LTN1: variants seen among roughly 807,000 people sequenced by gnomAD.
LTN1 encodes the protein listerin E3 ubiquitin protein ligase 1.
In LTN1, 88 loss-of-function variants were observed where a neutral mutation model predicts 201.2. The observed-to-expected ratio is 0.44, with a 90% CI of 0.37 to 0.52. The LOEUF (loss-of-function observed/expected upper bound fraction) is 0.52. LTN1 is among the 20% of genes least tolerant of loss of function. LTN1 has a pLI of 0.00. For missense variants in LTN1, 1,752 were observed against 2,038.7 expected, an observed-to-expected ratio of 0.86 and a Z score of 2.71; for synonymous variants, 645 against 713.5, an observed-to-expected ratio of 0.90 and a Z score of 1.53.
In LTN1 at chr21:28,941,290, A is replaced by G. The variant is rs2084295446; in HGVS notation, c.4412T>C (p.Phe1471Ser). 1.2e-6 allele frequency: 2 copies of G among 1,613,466 alleles called. No homozygotes were observed. The highest frequency in any genetic ancestry group is 8.5e-7 in the Non-Finnish European group (1 of 1,179,612). Residue 1471 changes from phenylalanine (F) to serine (S), a missense_variant, in exon 25 of 30, where the codon TTC becomes TCC. Transcript: ENST00000361371. ...GAGAAGGTATCCCAGAACATAACAG[A>G]AGTCTTCACTCAGTGGTTTAATAGT... is the stretch of plus-strand genomic sequence containing the variant. ...IVTIKPLSED[F>S]CYVLGYLLTW...
At chr21:28,987,972 T>C (rs979274307) in intron 1 of LTN1, among the ~76,000 whole-genome samples, 1 of 151,788 alleles carries the variant, frequency 6.6e-6, no homozygotes, top group Admixed American at 6.6e-5. Flanking sequence ...TGAAACCCCA[T>C]CTCTACCAAA....
In LTN1 at chr21:28,929,210, T is replaced by C. The variant is rs1165384297; in HGVS notation, c.*1238A>G. ...AGTAGATGGAAAGCAGTAATTTTATTTATCATGAATTGCTTTTTGCCAATT... is the reference window on the plus strand; with the variant it reads ...AGTAGATGGAAAGCAGTAATTTTATCTATCATGAATTGCTTTTTGCCAATT... On this transcript the variant is annotated 3_prime_UTR_variant, in exon 30 of 30. Transcript: ENST00000361371. 6.6e-6 allele frequency: 1 copy of C among 152,588 alleles called. No homozygotes were observed. The highest frequency in any genetic ancestry group is 1.5e-5 in the Non-Finnish European group (1 of 67,998). The allele number at this position is 152,588 out of a possible 1,614,324, so 9.5% of individuals were successfully genotyped here.
At chr21:28,978,565 A>G (rs946219546) in intron 6 of LTN1, among the ~76,000 whole-genome samples, 1 of 152,226 alleles carries the variant, frequency 6.6e-6, no homozygotes, top group East Asian at 1.9e-4. Context: ...AATTCAAAAT[A>G]TAAGAATATC....
rs370726406 is a variant in LTN1 at position 28,951,824 on chromosome 21, G to C, written c.3344+336C>G. On this transcript the variant is annotated intron_variant, in intron 18 of 29. Coordinates refer to ENST00000361371, the MANE Select transcript of LTN1 (RefSeq NM_015565.3). ...CCATCCCTACAAAATTAAAAAATTA[G>C]CCAGGTGTGGTAGTGCACACCTGTG... Among the ~76,000 whole-genome samples, 8 of 152,018 alleles carry C rather than the reference G, an allele frequency of 5.3e-5. No homozygotes were observed. In the South Asian group the frequency reaches 1.7e-3, roughly 32 times the overall value.
chr21:28,928,207 T>C lies in LTN1; in HGVS notation c.*2241A>G, dbSNP rs138905227. The C allele has an allele frequency of 1.3e-5, 2 of 152,688 alleles. No individual in the cohort carries two copies. Among genetic ancestry groups the C allele is most frequent in the Non-Finnish European group, 2.9e-5 (2 of 68,002 alleles). The allele number at this position is 152,688 out of a possible 1,614,324, so 9.5% of individuals were successfully genotyped here. Reference sequence around the variant, plus strand: ...CAGAAGCAAATATGGCAAAATAGTATGTGAAGGGTACAAGGGCATTTATAT... The same window carrying C: ...CAGAAGCAAATATGGCAAAATAGTACGTGAAGGGTACAAGGGCATTTATAT... On this transcript the variant is annotated 3_prime_UTR_variant, in exon 30 of 30. Coordinates refer to ENST00000361371, the MANE Select transcript of LTN1 (RefSeq NM_015565.3).
chr21:28,954,855 C>T (rs772998336), intron 16 of LTN1, among the ~76,000 whole-genome samples: 1 of 152,090 alleles, frequency 6.6e-6, no homozygotes, highest in Non-Finnish European at 1.5e-5. Flanking sequence ...CATCAAGGAA[C>T]GCTATAGGAC....
chr21:28,951,778 C>T (rs2084384408), intron 18 of LTN1, among the ~76,000 whole-genome samples: 1 of 152,110 alleles, frequency 6.6e-6, no homozygotes, highest in East Asian at 1.9e-4. Context: ...TCAAGACCAG[C>T]CTGGGCAACC....
chr21:28,939,290 C>T (rs2084279556), intron 25 of LTN1, among the ~76,000 whole-genome samples: 4 of 151,988 alleles, frequency 2.6e-5, no homozygotes, highest in Admixed American at 2.6e-4. Context: ...GGGTGGGGGT[C>T]ATGGGAGGGA....
intron 11 of LTN1, chr21:28,964,579 T>C (rs775847599): frequency 1.3e-6 from 2 of 1,522,836 alleles, no homozygotes; most frequent in South Asian, 1.2e-5. Flanking sequence ...GAACTTACGA[T>C]GTCTCTGAGA....
At chr21:28,941,820 T>A (rs569559509) in intron 24 of LTN1, among the ~76,000 whole-genome samples, 1 of 152,322 alleles carries the variant, frequency 6.6e-6, no homozygotes, top group East Asian at 1.9e-4. Context: ...TCTATTTTAT[T>A]GCATATTATC....
intron 1 of LTN1, among the ~76,000 whole-genome samples, chr21:28,988,692 C>T (rs1405012039): frequency 4.6e-5 from 7 of 151,472 alleles, no homozygotes; most frequent in Middle Eastern, 3.4e-3. Flanking sequence ...ATAGGTCAGG[C>T]GCGGTGGTTC....
chr21:28,936,815 C>G lies in LTN1; in HGVS notation c.4483-118G>C, dbSNP rs1259869868. ...CATAAACTAGCAGACATTCTATCCCCTCATTATTGTAACACATTTCTAATA... is the reference window on the plus strand; with the variant it reads ...CATAAACTAGCAGACATTCTATCCCGTCATTATTGTAACACATTTCTAATA... On this transcript the variant is annotated intron_variant, in intron 25 of 29. Coordinates refer to ENST00000361371, the MANE Select transcript of LTN1 (RefSeq NM_015565.3). 7.1e-6 allele frequency: 5 copies of G among 702,324 alleles called. No individual in the cohort carries two copies. In the East Asian group the frequency reaches 1.3e-4, roughly 18 times the overall value. 43.5% of individuals were successfully genotyped at this position (702,324 alleles called of 1,614,324 possible).
At chr21:28,965,978 G>T in intron 10 of LTN1, 72 bp from the exon 11 acceptor site, 2 of 930,308 alleles carry the variant, frequency 2.1e-6, no homozygotes, top group African/African-American at 1.7e-5. Context: ...TTTGTATGTT[G>T]CCCAGGCTAG....
Position 28,970,655 on chromosome 21 carries a change from C to T in LTN1, c.1072G>A (p.Val358Ile). The change falls in exon 8 of 30, where the codon GTC becomes ATC. Residue 358 changes from valine (V) to isoleucine (I), a missense_variant. This residue lies in a region of LTN1 where 1,211 missense variants were observed against 1,312.8 expected (regional missense o/e 0.92). Coordinates refer to ENST00000361371, the MANE Select transcript of LTN1 (RefSeq NM_015565.3). ...AATGGCAGAAGGTAAGGATATATGA[C>T]AGTAGCTAGACCCCGACCACCTTCA... ...IREGGRGLAT[V>I]IYPYLLPFIS... The T allele has an allele frequency of 6.2e-7, 1 of 1,613,866 alleles. No homozygotes were observed. The highest frequency in any genetic ancestry group is 8.5e-7 in the Non-Finnish European group (1 of 1,179,816).
chr21:28,934,529 C>A (rs1400579071), intron 27 of LTN1, among the ~76,000 whole-genome samples: 1 of 152,140 alleles, frequency 6.6e-6, no homozygotes, highest in Non-Finnish European at 1.5e-5. Context: ...CCTGCTCTGG[C>A]CATGTGAAGT....
intron 10 of LTN1, among the ~76,000 whole-genome samples, chr21:28,966,154 A>G (rs2084520636): frequency 6.6e-6 from 1 of 152,248 alleles, no homozygotes; most frequent in South Asian, 2.1e-4. Context: ...AAATGTATAG[A>G]TTAAAAGAAT....
rs180917149 is a variant in LTN1, at chr21:28,969,375, G to C, written c.1311+91C>G. 5.6e-6 allele frequency: 6 copies of C among 1,071,208 alleles called. No homozygotes were observed. The East Asian group carries it at 1.6e-4, about 28-fold the overall frequency. 66.4% of individuals were successfully genotyped at this position (1,071,208 alleles called of 1,614,324 possible). A position where few individuals can be genotyped will look rare whatever the true frequency, so the allele number is the denominator to read the frequency against. ...TAAAAATAAAATTTTTACAAGGAAGGCTTATTACTGTAAATGGCAACAAGA... is the reference window on the plus strand; with the variant it reads ...TAAAAATAAAATTTTTACAAGGAAGCCTTATTACTGTAAATGGCAACAAGA... On this transcript the variant is annotated intron_variant, in intron 9 of 29. Coordinates refer to ENST00000361371, the MANE Select transcript of LTN1 (RefSeq NM_015565.3).
Position 28,959,650 on chromosome 21 carries a change from G to T in LTN1, c.2401C>A (p.His801Asn). 2 of 1,613,416 alleles carry T rather than the reference G, an allele frequency of 1.2e-6. No individual in the cohort carries two copies. The highest frequency in any genetic ancestry group is 1.7e-6 in the Non-Finnish European group (2 of 1,179,622). Reference protein sequence around the residue: ...VYVERIIVRLHETLFKTKKLS... With the variant: ...VYVERIIVRLNETLFKTKKLS... ...TTCTTTGTTTTGAATAAAGTTTCAT[G>T]AAGTCTAACAATGATTCTTTCAACA... The change falls in exon 13 of 30, where the codon CAT becomes AAT. Residue 801 changes from histidine (H) to asparagine (N), a missense_variant. Coordinates refer to ENST00000361371, the MANE Select transcript of LTN1 (RefSeq NM_015565.3).
chr21:28,981,646 A>C (rs145531449), intron 5 of LTN1, among the ~76,000 whole-genome samples: 2 of 152,382 alleles, frequency 1.3e-5, no homozygotes, highest in Admixed American at 1.3e-4. Flanking sequence ...ATTAGAATAT[A>C]GAAGTAAACA....
Sources: allele counts gnomAD v4.1 joint callset (sites outside exome capture counted in the v4.1 genomes callset), GRCh38; gene constraint gnomAD v4.1.1; regional missense constraint gnomAD v4.1.1; transcripts MANE v1.5; gene names NCBI Gene and HGNC (gene_info 2026-07-23, HGNC 2026-07-21).